Variants in EXOC4 observed in about 807,000 individuals in gnomAD.
The protein encoded by EXOC4 is SEC8-like 1.
Under a neutral mutation model 107.2 loss-of-function variants are expected in EXOC4, and 71 were observed. That is an observed-to-expected ratio of 0.66 (90% CI 0.55 to 0.81). The LOEUF (loss-of-function observed/expected upper bound fraction) is 0.81. Ranked by LOEUF, EXOC4 falls within the 30% of genes least tolerant of loss-of-function variation. The pLI, the probability that EXOC4 is intolerant of heterozygous loss-of-function variation, is 0.00. For synonymous variants in EXOC4, 456 were observed against 441.2 expected (o/e 1.03, Z -0.42); for missense variants, 1,108 against 1,189.6 (o/e 0.93, Z 1.01).
intron 9 of EXOC4, chr7:133,576,992 A>T: frequency 1.7e-6 from 1 of 585,154 alleles, no homozygotes; most frequent in Non-Finnish European, 2.6e-6. Flanking sequence ...CCGGGGTTGG[A>T]TGTCTGTTTT....
intron 10 of EXOC4, among the ~76,000 whole-genome samples, chr7:133,814,972 T>C (rs970726688): frequency 2.0e-5 from 3 of 152,132 alleles, no homozygotes; most frequent in African/African-American, 7.2e-5. Flanking sequence ...TCTCCTCTTT[T>C]TTGAGAAGAA....
At chr7:133,580,115 G>T (rs1387281998) in intron 9 of EXOC4, among the ~76,000 whole-genome samples, 1 of 152,176 alleles carries the variant, frequency 6.6e-6, no homozygotes, top group Non-Finnish European at 1.5e-5. Flanking sequence ...TTATCCATGT[G>T]ACACTATGTG....
At chr7:134,060,228 G>A (rs1445604083) in intron 17 of EXOC4, among the ~76,000 whole-genome samples, 1 of 152,166 alleles carries the variant, frequency 6.6e-6, no homozygotes. Context: ...GGGAACTGCT[G>A]CAAAAAGGCA....
intron 9 of EXOC4, chr7:133,576,514 C>T (rs1193492821): frequency 7.8e-7 from 1 of 1,287,988 alleles, no homozygotes; most frequent in African/African-American, 1.5e-5. Flanking sequence ...CGTTTTCTTA[C>T]ATGGCCAATT....
intron 17 of EXOC4, among the ~76,000 whole-genome samples, chr7:134,051,057 T>G (rs1469600400): frequency 6.6e-6 from 1 of 152,100 alleles, no homozygotes; most frequent in Non-Finnish European, 1.5e-5. Flanking sequence ...GAGTGAAGAT[T>G]CCAGGTGACA....
intron 11 of EXOC4, among the ~76,000 whole-genome samples, chr7:133,882,693 G>A (rs1798991095): frequency 6.6e-6 from 1 of 152,138 alleles, no homozygotes; most frequent in Non-Finnish European, 1.5e-5. Flanking sequence ...GGAAGACAAG[G>A]AACACCATTG....
At chr7:133,293,226 A>C (rs1009042713) in intron 3 of EXOC4, among the ~76,000 whole-genome samples, 2 of 152,196 alleles carry the variant, frequency 1.3e-5, no homozygotes, top group Non-Finnish European at 2.9e-5. Context: ...TTTAAAGTGC[A>C]CTTAAAAGGT....
At chr7:133,818,029 G>T (rs1353179232) in intron 11 of EXOC4, among the ~76,000 whole-genome samples, 1 of 152,082 alleles carries the variant, frequency 6.6e-6, no homozygotes, top group African/African-American at 2.4e-5. Context: ...TCAAATCACT[G>T]AATTCACATG....
rs114727819 is a variant in EXOC4, at chr7:133,804,886, G to C, written c.1515-12439G>C. Among the ~76,000 whole-genome samples, 1,192 of 152,138 alleles carry C rather than the reference G, an allele frequency of 7.8e-3. 13 individuals carry two copies. The highest frequency in any genetic ancestry group is 0.027 in the African/African-American group (1,111 of 41,500). ...CTTTCTTCCTTATCTTGCTTAGCCA[G>C]CCGTATTTCTTTCCTAAAACATAGC... is the stretch of plus-strand genomic sequence containing the variant. On this transcript the variant is annotated intron_variant, in intron 10 of 17. Coordinates refer to ENST00000253861, the MANE Select transcript of EXOC4 (RefSeq NM_021807.4).
rs182994080 is a variant in EXOC4, at chr7:133,888,877, T to C, written c.1735-6722T>C. 2.6e-3 allele frequency among the ~76,000 whole-genome samples: 401 copies of C among 152,344 alleles called. 2 individuals are homozygous for C. The highest frequency in any genetic ancestry group is 4.8e-3 in the Non-Finnish European group (327 of 68,026). On this transcript the variant is annotated intron_variant, in intron 11 of 17. Coordinates refer to ENST00000253861, the MANE Select transcript of EXOC4 (RefSeq NM_021807.4). Reference sequence around the variant, plus strand: ...CTTTAAACTGGGGATGATTATAGGATACACCTGATAGGGGTGTTGAGAGGA... The same window carrying C: ...CTTTAAACTGGGGATGATTATAGGACACACCTGATAGGGGTGTTGAGAGGA...
chr7:133,800,925 A>G (rs772913717), intron 10 of EXOC4, among the ~76,000 whole-genome samples: 2 of 152,206 alleles, frequency 1.3e-5, no homozygotes, highest in Non-Finnish European at 2.9e-5. Context: ...TATCTTAGGG[A>G]ATACAGTGGC....
intron 10 of EXOC4, among the ~76,000 whole-genome samples, chr7:133,694,064 G>C (rs1794479003): frequency 6.6e-6 from 1 of 152,050 alleles, no homozygotes; most frequent in African/African-American, 2.4e-5. Flanking sequence ...AAGAGATTGA[G>C]ACCATCCTGG....
At chr7:133,442,035 C>T (rs1338960282) in intron 7 of EXOC4, among the ~76,000 whole-genome samples, 1 of 152,178 alleles carries the variant, frequency 6.6e-6, no homozygotes, top group Non-Finnish European at 1.5e-5. Context: ...TTCAGATCTA[C>T]CAGTAACTAA....
At chr7:133,831,863 A>G (rs116691847) in intron 11 of EXOC4, among the ~76,000 whole-genome samples, 1 of 152,324 alleles carries the variant, frequency 6.6e-6, no homozygotes, top group African/African-American at 2.4e-5. Context: ...GTCTGTATTA[A>G]GCTAAAAACG....
intron 10 of EXOC4, among the ~76,000 whole-genome samples, chr7:133,715,118 A>G (rs1026271208): frequency 6.6e-6 from 1 of 152,196 alleles, no homozygotes; most frequent in Non-Finnish European, 1.5e-5. Context: ...CAGAGAATGG[A>G]AACTGTGGGC....
intron 9 of EXOC4, among the ~76,000 whole-genome samples, chr7:133,529,024 A>T (rs1158286132): frequency 1.3e-5 from 2 of 152,168 alleles, no homozygotes; most frequent in Admixed American, 1.3e-4. Context: ...GATGTTATCC[A>T]AGCCTCCCCT....
intron 10 of EXOC4, among the ~76,000 whole-genome samples, chr7:133,642,508 G>A (rs148461539): frequency 3.9e-5 from 6 of 152,248 alleles, no homozygotes; most frequent in East Asian, 3.9e-4. Context: ...TACCCCACAC[G>A]TCTAGTGTTG....
chr7:133,295,785 A>C (rs1794506090), intron 3 of EXOC4, among the ~76,000 whole-genome samples: 2 of 152,152 alleles, frequency 1.3e-5, no homozygotes, highest in Non-Finnish European at 2.9e-5. Context: ...GCAAGAAAAA[A>C]GGGAGCCAAA....
chr7:133,584,141 G>A (rs1425256852), intron 9 of EXOC4, among the ~76,000 whole-genome samples: 1 of 152,166 alleles, frequency 6.6e-6, no homozygotes, highest in Non-Finnish European at 1.5e-5. Flanking sequence ...GGATATATGG[G>A]CTGTTTAGGT....
Sources: gnomAD v4.1 joint callset for allele counts (sites outside exome capture counted in the v4.1 genomes callset) on GRCh38, gnomAD v4.1.1 for gene constraint, MANE v1.5 for transcripts, NCBI Gene and HGNC (gene_info 2026-07-23, HGNC 2026-07-21) for gene names.